The following ABCC9 variants were observed in gnomAD, a reference collection of about 807,000 sequenced individuals.
ABCC9 encodes ATP binding cassette subfamily C member 9, also known as ATP-binding cassette sub-family C member 9.
A neutral mutation model predicts 188.3 loss-of-function variants in ABCC9; 95 were observed. The ratio of observed to expected loss-of-function variants is 0.50; its 90% CI spans 0.43 to 0.60. ABCC9 has a LOEUF of 0.60. ABCC9 is among the 20% of genes least tolerant of loss of function. The pLI is 0.00. For missense variants in ABCC9, 1,102 were observed against 1,876.3 expected (o/e 0.59, Z 7.62); for synonymous variants, 659 against 652.7 (o/e 1.01, Z -0.15).
rs774958948 is a variant in ABCC9, at chr12:21,828,974, C to T, written c.3653G>A (p.Trp1218Ter). The T allele has an allele frequency of 6.2e-7, 1 of 1,613,864 alleles. No homozygotes were observed. The highest frequency in any genetic ancestry group is 8.5e-7 in the Non-Finnish European group (1 of 1,179,816). Residue 1218 changes from tryptophan to a stop codon, truncating the protein, a stop_gained, in exon 31 of 40, where the codon TGG becomes TAG. Coordinates refer to ENST00000261200, the MANE Select transcript of ABCC9 (RefSeq NM_020297.4). LOFTEE classifies it high-confidence loss of function. ...TGAACGTACCGTCCTGACCTCCAGC[C>T]ATCTGTTGGCAGCTGAGAGAAATAA... is the stretch of plus-strand genomic sequence containing the variant. ...AYLFLSAANR[W>*]LEVRTDYLGA...
intron 12 of ABCC9, among the ~76,000 whole-genome samples, chr12:21,905,809 T>C (rs956314379): frequency 2.0e-5 from 3 of 152,128 alleles, no homozygotes; most frequent in East Asian, 3.8e-4. Flanking sequence ...ACAGTTACTA[T>C]TATCACCATC....
At chr12:21,859,353 C>T (rs577846086) in intron 22 of ABCC9, among the ~76,000 whole-genome samples, 33 of 152,270 alleles carry the variant, frequency 2.2e-4, no homozygotes, top group African/African-American at 7.7e-4. Flanking sequence ...AAAACAACCA[C>T]TTAGGGCATC....
chr12:21,863,796 A>G (rs2137525631), intron 19 of ABCC9, among the ~76,000 whole-genome samples: 2 of 152,294 alleles, frequency 1.3e-5, no homozygotes, highest in Middle Eastern at 6.8e-3. Flanking sequence ...CAGTTAGTTC[A>G]TGATCTGTAA....
chr12:21,878,272 T>C (rs1946461325), intron 16 of ABCC9, among the ~76,000 whole-genome samples: 1 of 152,172 alleles, frequency 6.6e-6, no homozygotes, highest in South Asian at 2.1e-4. Context: ...AATTCTGATT[T>C]AGAGTTATGG....
chr12:21,816,168 A>T (rs540423753), intron 33 of ABCC9, among the ~76,000 whole-genome samples: 1 of 149,450 alleles, frequency 6.7e-6, no homozygotes, highest in South Asian at 2.1e-4. Flanking sequence ...CTTAACCATC[A>T]TCATCTCTCC....
intron 32 of ABCC9, 37 bp from the exon 33 acceptor site, chr12:21,817,344 T>C (rs1555179357): frequency 3.1e-6 from 5 of 1,606,896 alleles, no homozygotes; most frequent in Non-Finnish European, 4.3e-6. Flanking sequence ...TTTAAATAAA[T>C]TAAAGTAAGA....
chr12:21,866,862 C>T (rs753840601), intron 18 of ABCC9, among the ~76,000 whole-genome samples: 5 of 151,656 alleles, frequency 3.3e-5, no homozygotes, highest in Admixed American at 1.3e-4. Context: ...TGGACTAGGT[C>T]GTTAAAAAGA....
At chr12:21,839,723 G>A (rs1944283046) in intron 29 of ABCC9, among the ~76,000 whole-genome samples, 1 of 152,122 alleles carries the variant, frequency 6.6e-6, no homozygotes, top group Admixed American at 6.5e-5. Context: ...ACCTGTGAGG[G>A]TCAACTGAAC....
intron 14 of ABCC9, among the ~76,000 whole-genome samples, chr12:21,893,335 T>C (rs1947259741): frequency 6.6e-6 from 1 of 152,194 alleles, no homozygotes; most frequent in Admixed American, 6.5e-5. Flanking sequence ...TTTCAGAGAC[T>C]TTAAGCCTGG....
chr12:21,816,999 T>G (rs964095522), intron 33 of ABCC9, among the ~76,000 whole-genome samples, 188 bp downstream of exon 33: 5 of 152,152 alleles, frequency 3.3e-5, no homozygotes, highest in African/African-American at 1.2e-4. Context: ...TCTGGTTTTA[T>G]CCAAGACTTT....
intron 4 of ABCC9, among the ~76,000 whole-genome samples, chr12:21,926,677 A>G (rs1406326095): frequency 6.6e-6 from 1 of 152,238 alleles, no homozygotes; most frequent in Non-Finnish European, 1.5e-5. Context: ...TTGAGAAGGA[A>G]GTGACTTCTA....
At chr12:21,929,429 T>C (rs987737841) in intron 4 of ABCC9, among the ~76,000 whole-genome samples, 5 of 151,990 alleles carry the variant, frequency 3.3e-5, no homozygotes, top group African/African-American at 9.6e-5. Flanking sequence ...GAACAAAGGA[T>C]GTTCCAAAAG....
chr12:21,830,930 A>G (rs1943717639), intron 30 of ABCC9: 1 of 152,118 alleles, frequency 6.6e-6, no homozygotes, highest in Non-Finnish European at 1.5e-5. Flanking sequence ...GGATGTTCAA[A>G]GGGTTATAGG....
intron 3 of ABCC9, among the ~76,000 whole-genome samples, chr12:21,935,762 T>G (rs1949460583): frequency 6.6e-6 from 1 of 152,068 alleles, no homozygotes; most frequent in Non-Finnish European, 1.5e-5. Flanking sequence ...TGAGCGTTGG[T>G]AGGCTCAATG....
At chr12:21,842,166 C>T in intron 29 of ABCC9, 148 bp downstream of exon 29, 1 of 917,596 alleles carries the variant, frequency 1.1e-6, no homozygotes, top group Non-Finnish European at 1.7e-6. Flanking sequence ...TAGTACTCGG[C>T]ACATGACAAA....
chr12:21,830,540 A>G (rs1943695813), intron 30 of ABCC9, among the ~76,000 whole-genome samples: 2 of 152,320 alleles, frequency 1.3e-5, no homozygotes, highest in South Asian at 2.1e-4. Flanking sequence ...GTAAAAATGT[A>G]TAATAAATCA....
intron 18 of ABCC9, among the ~76,000 whole-genome samples, chr12:21,871,147 C>A (rs530131736): frequency 6.6e-6 from 1 of 152,246 alleles, no homozygotes; most frequent in South Asian, 2.1e-4. Context: ...TATGGTTGTA[C>A]AAGCTACACA....
At chr12:21,858,627 A>G (rs947205247) in intron 22 of ABCC9, among the ~76,000 whole-genome samples, 22 of 152,010 alleles carry the variant, frequency 1.4e-4, no homozygotes, top group Non-Finnish European at 2.8e-4. Flanking sequence ...TAGATCCTGC[A>G]ATGGCTTTCA....
intron 3 of ABCC9, among the ~76,000 whole-genome samples, chr12:21,935,897 T>C (rs981987669): frequency 3.9e-5 from 6 of 152,154 alleles, no homozygotes; most frequent in Non-Finnish European, 7.4e-5. Context: ...TATCAGATTT[T>C]ATACATATGT....
Sources: allele counts gnomAD v4.1 joint callset (sites outside exome capture counted in the v4.1 genomes callset), GRCh38; gene constraint gnomAD v4.1.1; transcripts MANE v1.5; gene names NCBI Gene and HGNC (gene_info 2026-07-23, HGNC 2026-07-21).